The following MAD1L1 variants were observed in gnomAD, a reference collection of about 807,000 sequenced individuals.
The protein encoded by MAD1L1 is mitotic spindle assembly checkpoint protein MAD1.
Under a neutral mutation model 96.9 loss-of-function variants are expected in MAD1L1, and 95 were observed. That is an observed-to-expected ratio of 0.98 (90% CI 0.83 to 1.16). The LOEUF is 1.16. MAD1L1 is among the 50% of genes most tolerant of loss of function. The pLI, the probability that MAD1L1 is intolerant of heterozygous loss-of-function variation, is 0.00. For missense variants in MAD1L1, 1,007 were observed against 954.4 expected, an observed-to-expected ratio of 1.06 and a Z score of -0.73; for synonymous variants, 473 against 396.6, an observed-to-expected ratio of 1.19 and a Z score of -2.29.
Position 1,821,477 on chromosome 7 carries a change from C to T in MAD1L1, c.1999-5249G>A, listed in dbSNP as rs187687721. On this transcript the variant is annotated intron_variant, in intron 18 of 18. Coordinates refer to ENST00000265854, the MANE Select transcript of MAD1L1 (RefSeq NM_001013836.2). ...TGTACTGAAACCAACAAGGATGGTGCGCACACAAAGAAAAATAAGTATCAG... is the reference window on the plus strand; with the variant it reads ...TGTACTGAAACCAACAAGGATGGTGTGCACACAAAGAAAAATAAGTATCAG... Among the ~76,000 whole-genome samples the T allele has an allele frequency of 3.4e-3, 514 of 152,164 alleles. 3 individuals are homozygous for T. Among genetic ancestry groups the T allele is most frequent in the African/African-American group, 0.011 (475 of 41,524 alleles).
At chr7:1,967,778 G>A (rs922446031) in intron 15 of MAD1L1, among the ~76,000 whole-genome samples, 5 of 152,328 alleles carry the variant, frequency 3.3e-5, no homozygotes, top group South Asian at 2.1e-4. Flanking sequence ...GGGAGATCAC[G>A]CAGCGAAACA....
At chr7:1,838,665 T>C in intron 18 of MAD1L1, 1 of 414,574 alleles carries the variant, frequency 2.4e-6, no homozygotes, top group South Asian at 1.8e-5. Context: ...TGCCGACGGC[T>C]GGGACTGGGA....
intron 13 of MAD1L1, among the ~76,000 whole-genome samples, chr7:2,004,807 C>T (rs1013242375): frequency 5.3e-5 from 8 of 152,248 alleles, no homozygotes; most frequent in Non-Finnish European, 1.5e-5. Flanking sequence ...GAGGCGTCCA[C>T]CTCCGTACCA....
intron 12 of MAD1L1, among the ~76,000 whole-genome samples, chr7:2,041,879 G>A (rs1783689585): frequency 6.6e-6 from 1 of 152,128 alleles, no homozygotes; most frequent in Admixed American, 6.5e-5. Flanking sequence ...TGCCTGCTTT[G>A]GCCTGGCCAC....
In MAD1L1 at chr7:1,840,475, A is replaced by T. The variant is rs1783190453; in HGVS notation, c.1999-24247T>A. On this transcript the variant is annotated intron_variant, in intron 18 of 18. Transcript: ENST00000265854. ...CCAGGCGTGGTGGCTCACACCTGTA[A>T]TCCCAGCACTTTGGGAGGCCAAGGC... 5.9e-5 allele frequency among the ~76,000 whole-genome samples: 9 copies of T among 152,312 alleles called. 1 individual carries two copies. The South Asian group carries it at 1.4e-3, about 25-fold the overall frequency.
chr7:2,053,395 C>T (rs1431911947), intron 12 of MAD1L1, among the ~76,000 whole-genome samples: 2 of 152,174 alleles, frequency 1.3e-5, no homozygotes, highest in African/African-American at 4.8e-5. Flanking sequence ...TGAAGGAGTC[C>T]AATATTCACC....
rs13226911 is a variant in MAD1L1, at chr7:1,845,508, T to A, written c.1999-29280A>T. 4 of 39,332 alleles carry A rather than the reference T, an allele frequency of 1.0e-4. No individual in the cohort carries two copies. In the South Asian group the frequency reaches 3.3e-3, roughly 32 times the overall value. 2.4% of individuals were successfully genotyped at this position (39,332 alleles called of 1,614,324 possible). On this transcript the variant is annotated intron_variant, in intron 18 of 18. Coordinates refer to ENST00000265854, the MANE Select transcript of MAD1L1 (RefSeq NM_001013836.2). The stretch of plus-strand genomic sequence containing the variant: ...CGGGCTCTGATTCATGGGGAAGAGC[T>A]CTGTTTAGGAGATGGACGTGCTCCA...
intron 18 of MAD1L1, among the ~76,000 whole-genome samples, chr7:1,896,875 A>C (rs1033199814): frequency 1.3e-5 from 2 of 152,250 alleles, no homozygotes; most frequent in Non-Finnish European, 2.9e-5. Context: ...TTAATACCTA[A>C]TCATTTTAGA....
At chr7:1,832,630 T>TTTGGGGGGGGGG (rs56664541) in intron 18 of MAD1L1, among the ~76,000 whole-genome samples, 6 of 2,350 alleles carry the variant, frequency 2.6e-3, no homozygotes, top group Admixed American at 5.4e-3. Context: ...TTTTTTTTTT[T>TTTGGGGGGGGGG]GGCGGGGGGG....
intron 5 of MAD1L1, among the ~76,000 whole-genome samples, chr7:2,222,074 AC>A (rs1793637130): frequency 6.8e-6 from 1 of 146,478 alleles, no homozygotes; most frequent in African/African-American, 2.7e-5. Flanking sequence ...AAAGTGCTTA[AC>A]TTTTTTTTTT....
intron 17 of MAD1L1, among the ~76,000 whole-genome samples, chr7:1,924,889 A>G (rs1401669940): frequency 6.6e-6 from 1 of 152,218 alleles, no homozygotes; most frequent in Non-Finnish European, 1.5e-5. Context: ...AATATGAATT[A>G]TAAGTGCACC....
intron 10 of MAD1L1, among the ~76,000 whole-genome samples, chr7:2,188,979 A>G (rs1269372680): frequency 6.6e-6 from 1 of 152,240 alleles, no homozygotes; most frequent in Non-Finnish European, 1.5e-5. Flanking sequence ...CTCCTAAAAC[A>G]ACAATGAAAA....
intron 12 of MAD1L1, among the ~76,000 whole-genome samples, chr7:2,019,350 C>T (rs1007673053): frequency 6.6e-6 from 1 of 152,196 alleles, no homozygotes; most frequent in South Asian, 2.1e-4. Context: ...ATCCGTGGGG[C>T]CCATCGAGAA....
At chr7:1,837,508 C>A (rs1782996793) in intron 18 of MAD1L1, among the ~76,000 whole-genome samples, 1 of 152,214 alleles carries the variant, frequency 6.6e-6, no homozygotes, top group Admixed American at 6.5e-5. Flanking sequence ...GTTCACTGTA[C>A]ACTTTATTTG....
intron 18 of MAD1L1, among the ~76,000 whole-genome samples, chr7:1,816,521 C>T (rs1488945306): frequency 6.6e-6 from 1 of 152,306 alleles, no homozygotes; most frequent in Non-Finnish European, 1.5e-5. Flanking sequence ...CTCCTTCCTC[C>T]ACCTGGGGGG....
intron 12 of MAD1L1, among the ~76,000 whole-genome samples, chr7:2,014,955 C>T (rs1263307251): frequency 6.6e-6 from 1 of 152,238 alleles, no homozygotes; most frequent in Non-Finnish European, 1.5e-5. Flanking sequence ...CGGCTGGGAG[C>T]AGACGCCTCT....
chr7:1,938,282 G>A (rs1192552932), intron 16 of MAD1L1, among the ~76,000 whole-genome samples: 1 of 151,984 alleles, frequency 6.6e-6, no homozygotes, highest in Non-Finnish European at 1.5e-5. Flanking sequence ...CCACGGCAGG[G>A]AGGTGCAGGG....
chr7:2,067,161 G>A (rs999219507), intron 12 of MAD1L1, among the ~76,000 whole-genome samples: 2 of 151,998 alleles, frequency 1.3e-5, no homozygotes, highest in African/African-American at 4.8e-5. Flanking sequence ...AACACAGCAC[G>A]TTCGCAGGCA....
Position 1,968,321 on chromosome 7 carries a change from T to G in MAD1L1, c.1506-10602A>C, listed in dbSNP as rs887541802. Among the ~76,000 whole-genome samples, 1 of 147,796 alleles carries G rather than the reference T, an allele frequency of 6.8e-6. No individual in the cohort carries two copies. Among genetic ancestry groups the G allele is most frequent in the African/African-American group, 2.6e-5 (1 of 39,186 alleles). ...GTCAGGTCCACTGTCAACGCCTCAGTCTGGTGGTCAGGTCAACCGTCCACA... is the reference window on the plus strand; with the variant it reads ...GTCAGGTCCACTGTCAACGCCTCAGGCTGGTGGTCAGGTCAACCGTCCACA... On this transcript the variant is annotated intron_variant, in intron 15 of 18. Transcript: ENST00000265854. The surrounding 1 kb of genome is among the most constrained non-coding windows in gnomAD (Gnocchi z 5.6).
Sources: gnomAD v4.1 joint callset for allele counts (sites outside exome capture counted in the v4.1 genomes callset) on GRCh38, gnomAD v4.1.1 for gene constraint, Gnocchi (gnomAD v3.1) non-coding constraint, MANE v1.5 for transcripts, NCBI Gene and HGNC (gene_info 2026-07-23, HGNC 2026-07-21) for gene names.